AMMECR1: variants seen among roughly 807,000 people sequenced by gnomAD.
AMMECR1 encodes AMMECR nuclear protein 1, also known as nuclear protein AMMECR1.
AMMECR1 carries 3 observed loss-of-function variants against 22.5 expected under a neutral mutation model. That is an observed-to-expected ratio of 0.13 (90% confidence interval 0.06 to 0.35). The LOEUF (loss-of-function observed/expected upper bound fraction) is 0.35, where lower values mean the gene tolerates loss of function less well. AMMECR1 is among the 10% of genes least tolerant of loss of function. The pLI, the probability that AMMECR1 is intolerant of heterozygous loss-of-function variation, is 1.00. For synonymous variants in AMMECR1, 130 were observed against 116.7 expected, an observed-to-expected ratio of 1.11 and a Z score of -0.74; for missense variants, 235 against 278.7, an observed-to-expected ratio of 0.84 and a Z score of 1.12.
chrX:110,239,526 C>A (rs1305538396), intron 2 of AMMECR1, among the ~76,000 whole-genome samples: 2 of 111,326 alleles, frequency 1.8e-5, no homozygotes, highest in Non-Finnish European at 3.8e-5. Flanking sequence ...ATGAGCAAAG[C>A]CTCCAAGAAA....
At chrX:110,392,787 A>C (rs1220676032) in intron 2 of AMMECR1, among the ~76,000 whole-genome samples, 1 of 112,143 alleles carries the variant, frequency 8.9e-6, no homozygotes, top group Admixed American at 9.4e-5. Context: ...TTGATCATTT[A>C]CACCCTTTAG....
At chrX:110,423,661 A>G (rs1368197214) in intron 2 of AMMECR1, among the ~76,000 whole-genome samples, 3 of 112,368 alleles carry the variant, frequency 2.7e-5, no homozygotes, top group Non-Finnish European at 3.8e-5. Context: ...CAACTATTCC[A>G]TATGTGTCAG....
chrX:110,285,484 T>C (rs982665424), intron 1 of AMMECR1, among the ~76,000 whole-genome samples: 8 of 111,788 alleles, frequency 7.2e-5, no homozygotes, highest in Non-Finnish European at 1.5e-4. Flanking sequence ...AAATTTCTTC[T>C]ATAATGGGGT....
At chrX:110,246,507 A>G (rs1199095474) in intron 2 of AMMECR1, among the ~76,000 whole-genome samples, 1 of 112,148 alleles carries the variant, frequency 8.9e-6, no homozygotes, top group African/African-American at 3.2e-5. Context: ...CAAATACCTC[A>G]GTATACTAGG....
chrX:110,315,340 A>G (rs1463464596), intron 1 of AMMECR1, among the ~76,000 whole-genome samples: 6 of 112,036 alleles, frequency 5.4e-5, no homozygotes, highest in Non-Finnish European at 7.5e-5. Context: ...CCACTTGGTC[A>G]TGTTTAGTGT....
At chrX:110,304,510 G>A (rs1026317395) in intron 1 of AMMECR1, among the ~76,000 whole-genome samples, 11 of 112,196 alleles carry the variant, frequency 9.8e-5, no homozygotes, top group Non-Finnish European at 1.3e-4. Flanking sequence ...AGGCACTCAG[G>A]CAGTGTGACA....
At chrX:110,405,912 T>G (rs2068597804) in intron 2 of AMMECR1, among the ~76,000 whole-genome samples, 1 of 111,648 alleles carries the variant, frequency 9.0e-6, no homozygotes, top group Non-Finnish European at 1.9e-5. Context: ...ATATTTTCTC[T>G]TTTACCAAAT....
intron 2 of AMMECR1, among the ~76,000 whole-genome samples, chrX:110,394,887 A>G (rs1285511252): frequency 8.9e-6 from 1 of 112,814 alleles, no homozygotes; most frequent in Admixed American, 9.3e-5. Context: ...GCATATGGGG[A>G]ACAGTGGGGC....
At chrX:110,264,234 G>A (rs2067755829) in intron 2 of AMMECR1, among the ~76,000 whole-genome samples, 1 of 110,215 alleles carries the variant, frequency 9.1e-6, no homozygotes, top group South Asian at 3.8e-4. Flanking sequence ...AAATAAGCTG[G>A]CCACTGGAAG....
intron 2 of AMMECR1, among the ~76,000 whole-genome samples, chrX:110,339,915 T>C (rs1016472250): frequency 1.6e-4 from 17 of 109,334 alleles, no homozygotes; most frequent in African/African-American, 5.4e-4. Context: ...ATGAAAGTAA[T>C]AAATCAGTAA....
chrX:110,322,866 G>C (rs1280046583), upstream of AMMECR1, among the ~76,000 whole-genome samples: 1 of 111,257 alleles, frequency 9.0e-6, no homozygotes, highest in African/African-American at 3.3e-5. Flanking sequence ...CTTACTATTC[G>C]GGATTCCTAC....
chrX:110,349,936 G>A lies in AMMECR1; in HGVS notation c.-147-32087C>T, dbSNP rs112013722. 1.2e-4 allele frequency among the ~76,000 whole-genome samples: 13 copies of A among 111,307 alleles called. No homozygotes were observed. In the Admixed American group the frequency reaches 1.2e-3, roughly 11 times the overall value. On this transcript the variant is annotated intron_variant, in intron 2 of 7. Transcript: ENST00000372057. ...AAGTCCTGTATGTGTCTCCCATTTC[G>A]CATTCTCCCATCAAGGAGATTAAGG...
intron 2 of AMMECR1, chrX:110,219,394 C>T (rs1370216859): frequency 1.3e-6 from 1 of 751,816 alleles, no homozygotes; most frequent in African/African-American, 2.3e-5. Context: ...TAAAAATACA[C>T]ATGCTGAAGT....
rs2067368396 is a variant in AMMECR1 at position 110,196,118 on chromosome X, C to T, written c.*2402G>A. 1 of 111,789 alleles carries T rather than the reference C, an allele frequency of 8.9e-6. No homozygotes were observed. The highest frequency in any genetic ancestry group is 3.7e-4 in the South Asian group (1 of 2,678). The allele number at this position is 111,789 out of a possible 1,213,427, so 9.2% of individuals were successfully genotyped here. On this transcript the variant is annotated 3_prime_UTR_variant, in exon 6 of 6. Coordinates refer to ENST00000262844, the MANE Select transcript of AMMECR1 (RefSeq NM_015365.3). ...AAATCTGATATGATTTTAGAGTCCG[C>T]ATGACCAGTCACGTGACCTGCTCAA...
chrX:110,242,562 T>C (rs2067638823), intron 2 of AMMECR1, among the ~76,000 whole-genome samples: 1 of 111,950 alleles, frequency 8.9e-6, no homozygotes, highest in Non-Finnish European at 1.9e-5. Flanking sequence ...TCAGTGTTAA[T>C]CAGGAGGAAC....
At chrX:110,223,487 C>T (rs752295105) in intron 2 of AMMECR1, among the ~76,000 whole-genome samples, 3 of 112,008 alleles carry the variant, frequency 2.7e-5, no homozygotes, top group South Asian at 7.5e-4. Flanking sequence ...GAAAAGATTA[C>T]GATATGACCA....
At chrX:110,392,008 A>G (rs944554344) in intron 2 of AMMECR1, among the ~76,000 whole-genome samples, 6 of 112,375 alleles carry the variant, frequency 5.3e-5, no homozygotes, top group African/African-American at 1.9e-4. Context: ...GACCAATAAT[A>G]TTGAATTAAG....
intron 2 of AMMECR1, among the ~76,000 whole-genome samples, chrX:110,326,331 C>A (rs990824853): frequency 8.9e-6 from 1 of 111,895 alleles, no homozygotes; most frequent in African/African-American, 3.2e-5. Context: ...TACATTTGTC[C>A]CAAAGTATTT....
intron 2 of AMMECR1, among the ~76,000 whole-genome samples, chrX:110,252,400 T>C (rs1053768658): frequency 8.1e-5 from 9 of 111,137 alleles, no homozygotes; most frequent in East Asian, 2.8e-4. Context: ...CTGGGTAACA[T>C]AGTGAGACGC....
Sources: gnomAD v4.1 joint callset for allele counts (sites outside exome capture counted in the v4.1 genomes callset) on GRCh38, gnomAD v4.1.1 for gene constraint, MANE v1.5 for transcripts, NCBI Gene and HGNC (gene_info 2026-07-23, HGNC 2026-07-21) for gene names.